The following RBFOX2 variants were observed in gnomAD, a reference collection of about 807,000 sequenced individuals.
RBFOX2 encodes RNA binding protein fox-1 homolog 2.
In RBFOX2, 10 loss-of-function variants were observed where a neutral mutation model predicts 49.1. The observed-to-expected ratio is 0.20, with a 90% CI of 0.13 to 0.35. The LOEUF (loss-of-function observed/expected upper bound fraction) is 0.35. Ranked by LOEUF, RBFOX2 falls within the 10% of genes least tolerant of loss-of-function variation. The probability of loss-of-function intolerance (pLI) is 1.00; values close to 1 mark genes in which losing one functional copy is unlikely to be tolerated. For missense variants in RBFOX2, 323 were observed against 486.9 expected (o/e 0.66, Z 3.17); for synonymous variants, 183 against 187.4 (o/e 0.98, Z 0.19).
chr22:35,898,155 G>A (rs917652989), intron 1 of RBFOX2: 10 of 744,434 alleles, frequency 1.3e-5, no homozygotes, highest in Non-Finnish European at 2.5e-5. Context: ...CACACCGATA[G>A]GGTATGATCA....
At chr22:35,849,973 A>G (rs981358886) in intron 1 of RBFOX2, among the ~76,000 whole-genome samples, 2 of 152,156 alleles carry the variant, frequency 1.3e-5, no homozygotes, top group African/African-American at 4.8e-5. Context: ...CAGCCAGGGA[A>G]GGGAACACAG....
At position 35,798,024 on chromosome 22, in the gene RBFOX2, G is replaced by A. The variant is rs548366917; in HGVS notation, c.252+11756C>T. On this transcript the variant is annotated intron_variant, in intron 2 of 11. Transcript: ENST00000405409. ...GAGTTTCCCTCTTGTTGCCCAGGCT[G>A]GAGTACAATGGCACGATTTTGACTC... Among the ~76,000 whole-genome samples, 16 of 152,266 alleles carry A rather than the reference G, an allele frequency of 1.1e-4. No homozygotes were observed. In the East Asian group the frequency reaches 2.9e-3, roughly 28 times the overall value.
chr22:35,933,963 A>ATATATAT (rs2052748965), intron 1 of RBFOX2, among the ~76,000 whole-genome samples: 1 of 127,592 alleles, frequency 7.8e-6, no homozygotes, highest in African/African-American at 3.6e-5. Context: ...TACACACATC[A>ATATATAT]ATGAAATAAA....
chr22:35,997,764 G>C (rs2058250423), intron 1 of RBFOX2: 1 of 152,302 alleles, frequency 6.6e-6, no homozygotes, highest in Admixed American at 6.5e-5. Context: ...GTTGAGGCAG[G>C]AAGATCGCTA....
At chr22:35,797,031 T>C (rs1051400763) in intron 2 of RBFOX2, among the ~76,000 whole-genome samples, 1 of 152,154 alleles carries the variant, frequency 6.6e-6, no homozygotes, top group African/African-American at 2.4e-5. Context: ...TTGATGTAAT[T>C]AGAATCATTT....
At chr22:35,897,513 G>C (rs111750949) in intron 1 of RBFOX2, 4 of 816,488 alleles carry the variant, frequency 4.9e-6, no homozygotes, top group Middle Eastern at 2.5e-4. Flanking sequence ...ATAGGCAAAA[G>C]GTGGCAAGGG....
exon 1 of RBFOX2, chr22:35,840,330 A>G: frequency 1.2e-6 from 2 of 1,600,484 alleles, no homozygotes; most frequent in Non-Finnish European, 1.7e-6. Flanking sequence ...AGGGTGGGTA[A>G]TTGATCTCTC....
intron 1 of RBFOX2, among the ~76,000 whole-genome samples, chr22:35,881,612 T>A (rs1483705101): frequency 1.3e-5 from 2 of 149,540 alleles, no homozygotes; most frequent in African/African-American, 4.9e-5. Context: ...AATTTTTTTT[T>A]AATGTCTAAT....
At chr22:35,756,053 A>G in intron 9 of RBFOX2, 52 bp downstream of exon 11, 1 of 1,282,976 alleles carries the variant, frequency 7.8e-7, no homozygotes, top group Non-Finnish European at 1.0e-6. Flanking sequence ...AGAAAAAAAA[A>G]GGCTGGCTTG....
At chr22:35,769,213 G>A (rs1008711878) in intron 4 of RBFOX2, among the ~76,000 whole-genome samples, 1 of 150,792 alleles carries the variant, frequency 6.6e-6, no homozygotes, top group African/African-American at 2.4e-5. Flanking sequence ...ACAGTCAACA[G>A]GCAATGGGAA....
chr22:35,900,703 A>G (rs2048463890), intron 1 of RBFOX2, among the ~76,000 whole-genome samples: 1 of 152,176 alleles, frequency 6.6e-6, no homozygotes, highest in Admixed American at 6.5e-5. Flanking sequence ...TCTGCTACTC[A>G]AATGTGACAC....
exon 1 of RBFOX2, chr22:35,840,471 C>A: frequency 7.1e-7 from 1 of 1,406,408 alleles, no homozygotes; most frequent in Non-Finnish European, 9.2e-7. Flanking sequence ...GAAGGAAGCC[C>A]CACCCCTGAA....
intron 1 of RBFOX2, among the ~76,000 whole-genome samples, chr22:35,860,967 A>G (rs1182317168): frequency 6.6e-6 from 1 of 152,216 alleles, no homozygotes; most frequent in East Asian, 1.9e-4. Flanking sequence ...AGATCCCATA[A>G]TACTCACATC....
intron 1 of RBFOX2, among the ~76,000 whole-genome samples, chr22:35,950,822 T>C (rs2054829432): frequency 6.6e-6 from 1 of 152,126 alleles, no homozygotes; most frequent in South Asian, 2.1e-4. Flanking sequence ...CTAATTCTAT[T>C]TTGTCACACA....
intron 1 of RBFOX2, among the ~76,000 whole-genome samples, chr22:35,927,023 A>G (rs2051728605): frequency 6.6e-6 from 1 of 152,222 alleles, no homozygotes. Flanking sequence ...ACATTCACAG[A>G]AAGCTGAGTC....
chr22:35,772,827 C>A lies in RBFOX2; in HGVS notation c.454-4478G>T, dbSNP rs569979535. Among the ~76,000 whole-genome samples, 721 of 152,122 alleles carry A rather than the reference C, an allele frequency of 4.7e-3. 9 individuals carry two copies. Among genetic ancestry groups the A allele is most frequent in the Non-Finnish European group, 7.9e-3 (536 of 67,984 alleles). On this transcript the variant is annotated intron_variant, in intron 4 of 11. Transcript: ENST00000405409. The stretch of plus-strand genomic sequence containing the variant: ...GTCACCTTTTTAGTCTGGCCTCAGA[C>A]TGCAATAAATAACTAGCAATAGAAT...
chr22:35,910,866 CT>C (rs200477446), intron 1 of RBFOX2, among the ~76,000 whole-genome samples: 1,659 of 152,316 alleles, frequency 0.011, 51 homozygotes, highest in Admixed American at 0.067. Flanking sequence ...CAAAATGTTC[CT>C]TAAAATTAGT....
intron 6 of RBFOX2, among the ~76,000 whole-genome samples, chr22:35,764,477 G>A (rs1054634964): frequency 5.9e-5 from 9 of 151,876 alleles, no homozygotes; most frequent in South Asian, 4.2e-4. Context: ...CCAGCTACTC[G>A]GGAGGCTGAG....
chr22:35,948,139 T>C (rs1397555044), intron 1 of RBFOX2, among the ~76,000 whole-genome samples: 5 of 152,236 alleles, frequency 3.3e-5, no homozygotes, highest in East Asian at 1.9e-4. Context: ...TTTAGATACA[T>C]TGTGTTACAA....
Sources: allele counts gnomAD v4.1 joint callset (sites outside exome capture counted in the v4.1 genomes callset), GRCh38; gene constraint gnomAD v4.1.1; transcripts MANE v1.5; gene names NCBI Gene and HGNC (gene_info 2026-07-23, HGNC 2026-07-21).